The following ZIC2 variants were observed in gnomAD, a reference collection of about 807,000 sequenced individuals.
The protein encoded by ZIC2 is zinc finger protein ZIC 2.
A neutral mutation model predicts 29.5 loss-of-function variants in ZIC2; 7 were observed. That is an observed-to-expected ratio of 0.24 (90% CI 0.14 to 0.45). The LOEUF is 0.45. Among genes scored for constraint, ZIC2 ranks in the 20% least tolerant of loss-of-function variants. ZIC2 has a pLI of 1.00. For missense variants in ZIC2, 589 were observed against 781.2 expected (o/e 0.75, Z 2.93); for synonymous variants, 408 against 354.2 (o/e 1.15, Z -1.70).
chr13:99,986,620 G>A lies in ZIC2; in HGVS notation c.*938G>A, dbSNP rs1178118737. Reference sequence around the variant, plus strand: ...CTACAGAGGAAACAATATTTATAAAGAATGTTTCTTAACTATAAATATGTA... The same window carrying A: ...CTACAGAGGAAACAATATTTATAAAAAATGTTTCTTAACTATAAATATGTA... On this transcript the variant is annotated 3_prime_UTR_variant, in exon 3 of 3. Coordinates refer to ENST00000376335, the MANE Select transcript of ZIC2 (RefSeq NM_007129.5). The A allele has an allele frequency of 2.6e-5, 4 of 152,860 alleles. No homozygotes were observed. In the East Asian group the frequency reaches 7.7e-4, roughly 29 times the overall value. The allele number at this position is 152,860 out of a possible 1,614,324, so 9.5% of individuals were successfully genotyped here. A position where few individuals can be genotyped will look rare whatever the true frequency, so the allele number is the denominator to read the frequency against.
Position 99,983,231 on chromosome 13 carries a change from G to A in ZIC2, c.1075+92G>A. The A allele has an allele frequency of 2.6e-6, 4 of 1,512,826 alleles. No individual in the cohort carries two copies. In the East Asian group the frequency reaches 6.9e-5, roughly 26 times the overall value. The allele number at this position is 1,512,826 out of a possible 1,614,324, so 93.7% of individuals were successfully genotyped here. On this transcript the variant is annotated intron_variant, in intron 1 of 2. Transcript: ENST00000376335. This position sits in a 1 kb window ranked among gnomAD's most constrained non-coding sequence, Gnocchi z 4.7. The stretch of plus-strand genomic sequence containing the variant: ...TGGGTGCCGACGCTGGGCGCAGACC[G>A]CCAGCCGGGGACCTGGGATGGGAGG...
At position 99,982,446 on chromosome 13, in the gene ZIC2, G is replaced by C; in HGVS notation, c.382G>C (p.Asp128His). 7.0e-7 allele frequency: 1 copy of C among 1,437,166 alleles called. No individual in the cohort carries two copies. The allele number at this position is 1,437,166 out of a possible 1,614,324, so 89.0% of individuals were successfully genotyped here. ...CCTGTTCCGCAGCCGCGGCTTCGGG[G>C]ACTCGGCGCCGGGCGGCGGGCAGCA... ...DFLFRSRGFG[D>H]SAPGGGQHGL... The change falls in exon 1 of 3, where the codon GAC (aspartate) becomes CAC (histidine). Residue 128 changes from aspartate to histidine, a missense_variant. By Grantham distance (81) the Asp-to-His change is moderately conservative. Transcript: ENST00000376335.
Position 99,982,347 on chromosome 13 carries a change from G to A in ZIC2, c.283G>A (p.Ala95Thr), listed in dbSNP as rs1417371462. Residue 95 changes from alanine to threonine, a missense_variant, in exon 1 of 3, where the codon GCC (alanine) becomes ACC (threonine). Coordinates refer to ENST00000376335, the MANE Select transcript of ZIC2 (RefSeq NM_007129.5). ...CGGCTCCGCTGCGGCTGCCGCTGCG[G>A]CCGCAGCGCTCGGGCCCCACGCCGC... ...YPGSAAAAAA[A>T]AALGPHAAHV... 4 of 1,466,304 alleles carry A rather than the reference G, an allele frequency of 2.7e-6. No homozygotes were observed. The highest frequency in any genetic ancestry group is 3.0e-5 in the East Asian group (1 of 33,404). 90.8% of individuals were successfully genotyped at this position (1,466,304 alleles called of 1,614,324 possible). A position where few individuals can be genotyped will look rare whatever the true frequency, so the allele number is the denominator to read the frequency against.
intron 1 of ZIC2, 74 bp from the exon 2 acceptor site, chr13:99,984,872 C>G (rs1594291769): frequency 6.2e-7 from 1 of 1,603,496 alleles, no homozygotes; most frequent in Non-Finnish European, 8.5e-7. Flanking sequence ...CGCGGCCCAG[C>G]CCCCTCGCAG....
At chr13:99,984,480 A>G in intron 1 of ZIC2, 1 of 238,052 alleles carries the variant, frequency 4.2e-6, no homozygotes, top group Non-Finnish European at 8.4e-6. Context: ...GTCACTCTCC[A>G]CAGCCCGGCC....
Position 99,982,157 on chromosome 13 carries a change from T to TGCCGCC in ZIC2, c.95_100dup (p.Ala32_Ala33dup). ...ACTCCGCCGCGGCGGCGGCGGCGGC[T>TGCCGCC]GCCGCCGAGATGCAGGACCGTGAAC... On this transcript the variant is annotated inframe_insertion, in exon 1 of 3. Transcript: ENST00000376335. The TGCCGCC allele has an allele frequency of 7.4e-7, 1 of 1,346,316 alleles. No homozygotes were observed. Among genetic ancestry groups the TGCCGCC allele is most frequent in the Admixed American group, 3.6e-5 (1 of 27,804 alleles). 83.4% of individuals were successfully genotyped at this position (1,346,316 alleles called of 1,614,324 possible). A position where few individuals can be genotyped will look rare whatever the true frequency, so the allele number is the denominator to read the frequency against.
rs781066446 is a variant in ZIC2 at position 99,982,340 on chromosome 13, C to T, written c.276C>T (p.Ala92=). 1.4e-6 allele frequency: 2 copies of T among 1,465,108 alleles called. No homozygotes were observed. Among genetic ancestry groups the T allele is most frequent in the South Asian group, 1.3e-5 (1 of 74,776 alleles). 90.8% of individuals were successfully genotyped at this position (1,465,108 alleles called of 1,614,324 possible). ...CCTACCCCGGCTCCGCTGCGGCTGC[C>T]GCTGCGGCCGCAGCGCTCGGGCCCC... ...PGAYPGSAAA[A]AAAAALGPHA... is the part of the protein sequence containing the mutation. The change falls in exon 1 of 3, where the codon GCC becomes GCT. Residue 92 remains alanine, a synonymous_variant. Coordinates refer to ENST00000376335, the MANE Select transcript of ZIC2 (RefSeq NM_007129.5).
Position 99,983,090 on chromosome 13 carries a change from A to G in ZIC2, c.1026A>G (p.Lys342=), listed in dbSNP as rs1049466310. 10 of 1,613,188 alleles carry G rather than the reference A, an allele frequency of 6.2e-6. No individual in the cohort carries two copies. In the African/African-American group the frequency reaches 1.3e-4, roughly 22 times the overall value. The change falls in exon 1 of 3, where the codon AAA becomes AAG. Residue 342 remains lysine, a synonymous_variant. Transcript: ENST00000376335. This position sits in a 1 kb window ranked among gnomAD's most constrained non-coding sequence, Gnocchi z 4.7. ...CCTGCCCCTTCCCGGGCTGTGGCAAAGTCTTCGCGCGCTCCGAGAACCTCA... is the reference window on the plus strand; with the variant it reads ...CCTGCCCCTTCCCGGGCTGTGGCAAGGTCTTCGCGCGCTCCGAGAACCTCA... ...PFPCPFPGCG[K]VFARSENLKI...
In ZIC2 at chr13:99,982,610, G is replaced by T. The variant is rs200407312; in HGVS notation, c.546G>T (p.Gly182=). The change falls in exon 1 of 3, where the codon GGG becomes GGT. Residue 182 remains glycine, a synonymous_variant. Transcript: ENST00000376335. The stretch of plus-strand genomic sequence containing the variant: ...TGCTCAACGGGCAGATGCGCCTCGG[G>T]CTGCCCGGCGAGGTGTTCGGGCGCT... ...QNVLNGQMRL[G]LPGEVFGRSE... is the part of the protein sequence containing the mutation. The T allele has an allele frequency of 4.6e-4, 728 of 1,586,580 alleles. 4 individuals carry two copies. In the African/African-American group the frequency reaches 8.8e-3, roughly 19 times the overall value.
In ZIC2 at chr13:99,982,358, C is replaced by G. The variant is rs1190605222; in HGVS notation, c.294C>G (p.Leu98=). 6.8e-7 allele frequency: 1 copy of G among 1,472,282 alleles called. No homozygotes were observed. Among genetic ancestry groups the G allele is most frequent in the Non-Finnish European group, 9.0e-7 (1 of 1,113,838 alleles). 91.2% of individuals were successfully genotyped at this position (1,472,282 alleles called of 1,614,324 possible). Residue 98 remains leucine (L), a synonymous_variant, in exon 1 of 3, where the codon CTC becomes CTG. Coordinates refer to ENST00000376335, the MANE Select transcript of ZIC2 (RefSeq NM_007129.5). Reference sequence around the variant, plus strand: ...CGGCTGCCGCTGCGGCCGCAGCGCTCGGGCCCCACGCCGCGCACGTTGGCT... The same window carrying G: ...CGGCTGCCGCTGCGGCCGCAGCGCTGGGGCCCCACGCCGCGCACGTTGGCT... The part of the protein sequence containing the change: ...SAAAAAAAAA[L]GPHAAHVGSY...
At position 99,982,790 on chromosome 13, in the gene ZIC2, C is replaced by T; in HGVS notation, c.726C>T (p.Ala242=). 6.2e-7 allele frequency: 1 copy of T among 1,609,364 alleles called. No homozygotes were observed. Among genetic ancestry groups the T allele is most frequent in the Non-Finnish European group, 8.5e-7 (1 of 1,179,966 alleles). The change falls in exon 1 of 3, where the codon GCC becomes GCT. Residue 242 remains alanine, a synonymous_variant. Transcript: ENST00000376335. ...ACCACCACCACCACCACCCCGGTGC[C>T]TTTTTCCGCTATATGCGGCAGCAGT... ...HHHHHHHHPG[A]FFRYMRQQCI...
intron 1 of ZIC2, chr13:99,984,521 A>G (rs983294084): frequency 3.6e-6 from 1 of 277,406 alleles, no homozygotes; most frequent in Non-Finnish European, 7.1e-6. Flanking sequence ...TCCAAATGTA[A>G]TTGCTTACTG....
Position 99,982,169 on chromosome 13 carries a change from G to T in ZIC2, c.105G>T (p.Met35Ile). 7.0e-7 allele frequency: 1 copy of T among 1,437,718 alleles called. No individual in the cohort carries two copies. The highest frequency in any genetic ancestry group is 1.4e-5 in the South Asian group (1 of 69,278). The allele number at this position is 1,437,718 out of a possible 1,614,324, so 89.1% of individuals were successfully genotyped here. ...AAAAAAAAAEMQDRELSLAAA... is the reference protein window; with the variant it reads ...AAAAAAAAAEIQDRELSLAAA... Reference sequence around the variant, plus strand: ...CGGCGGCGGCGGCTGCCGCCGAGATGCAGGACCGTGAACTGAGCCTGGCGG... The same window carrying T: ...CGGCGGCGGCGGCTGCCGCCGAGATTCAGGACCGTGAACTGAGCCTGGCGG... The change falls in exon 1 of 3, where the codon ATG becomes ATT. Residue 35 changes from methionine (M) to isoleucine (I), a missense_variant. Physicochemically the swap from Met to Ile is conservative, Grantham distance 10 (BLOSUM62 1). Coordinates refer to ENST00000376335, the MANE Select transcript of ZIC2 (RefSeq NM_007129.5).
At position 99,985,469 on chromosome 13, in the gene ZIC2, GGCGGCT is replaced by G; in HGVS notation, c.1392_1397del (p.Ala469_Ala470del). 3.1e-6 allele frequency: 4 copies of G among 1,305,644 alleles called. No individual in the cohort carries two copies. Among genetic ancestry groups the G allele is most frequent in the African/African-American group, 1.6e-5 (1 of 64,226 alleles). The allele number at this position is 1,305,644 out of a possible 1,614,324, so 80.9% of individuals were successfully genotyped here. On this transcript the variant is annotated inframe_deletion, in exon 3 of 3. Transcript: ENST00000376335. The surrounding 1 kb of genome is among the most constrained non-coding windows in gnomAD (Gnocchi z 6.3). ...CCCCAGCGGCGGCGGCAGCGGCGGC[GGCGGCT>G]GCGGCGGCGGCGGCCGCGGTGTCCG...
rs370509521 is a variant in ZIC2 at position 99,985,137 on chromosome 13, C to A, written c.1239+28C>A. On this transcript the variant is annotated intron_variant, in intron 2 of 2. Transcript: ENST00000376335. This position sits in a 1 kb window ranked among gnomAD's most constrained non-coding sequence, Gnocchi z 6.3. ...ACCACCGCGGCGGCCGGGAGGAGGG[C>A]GAGGCAGGCCGAGGCGCCGGTGCAG... 17 of 1,613,326 alleles carry A rather than the reference C, an allele frequency of 1.1e-5. No homozygotes were observed. The highest frequency in any genetic ancestry group is 1.4e-5 in the Non-Finnish European group (16 of 1,179,664).
rs1171129420 is a variant in ZIC2 at position 99,985,505 on chromosome 13, G to C, written c.1422G>C (p.Val474=). ...CGGCGGCGGCCGCGGTGTCCGCGGT[G>C]CACCGGGGCGGAGGCTCGGGCAGTG... is the stretch of plus-strand genomic sequence containing the variant. ...AAAAAAAVSA[V]HRGGGSGSGG... is the part of the protein sequence containing the mutation. The change falls in exon 3 of 3, where the codon GTG becomes GTC. Residue 474 remains valine (V), a synonymous_variant. Coordinates refer to ENST00000376335, the MANE Select transcript of ZIC2 (RefSeq NM_007129.5). The surrounding 1 kb of genome is among the most constrained non-coding windows in gnomAD (Gnocchi z 6.3). 1 of 1,137,026 alleles carries C rather than the reference G, an allele frequency of 8.8e-7. No individual in the cohort carries two copies. Among genetic ancestry groups the C allele is most frequent in the East Asian group, 4.8e-5 (1 of 20,920 alleles). The allele number at this position is 1,137,026 out of a possible 1,614,324, so 70.4% of individuals were successfully genotyped here.
Position 99,982,548 on chromosome 13 carries a change from C to G in ZIC2, c.484C>G (p.Leu162Val). ...DAQGHLLFPG[L>V]PEQHGPHGSQ... Reference sequence around the variant, plus strand: ...GCAGGGCCACCTCCTCTTCCCGGGCCTGCCAGAGCAGCACGGGCCGCACGG... The same window carrying G: ...GCAGGGCCACCTCCTCTTCCCGGGCGTGCCAGAGCAGCACGGGCCGCACGG... The change falls in exon 1 of 3, where the codon CTG becomes GTG. Residue 162 changes from leucine to valine, a missense_variant. Coordinates refer to ENST00000376335, the MANE Select transcript of ZIC2 (RefSeq NM_007129.5). 1 of 1,547,202 alleles carries G rather than the reference C, an allele frequency of 6.5e-7. No homozygotes were observed.
Position 99,982,564 on chromosome 13 carries a change from G to A in ZIC2, c.500G>A (p.Gly167Glu). Residue 167 changes from glycine (G) to glutamate (E), a missense_variant, in exon 1 of 3, where the codon GGG becomes GAG. Gly to Glu is a moderately conservative substitution (Grantham distance 98). This residue lies in a region of ZIC2 where 358 missense variants were observed against 382.0 expected (regional missense o/e 0.94). Transcript: ENST00000376335. ...LLFPGLPEQH[G>E]PHGSQNVLNG... ...TTCCCGGGCCTGCCAGAGCAGCACGGGCCGCACGGCTCGCAGAATGTGCTC... is the reference window on the plus strand; with the variant it reads ...TTCCCGGGCCTGCCAGAGCAGCACGAGCCGCACGGCTCGCAGAATGTGCTC... The A allele has an allele frequency of 6.4e-7, 1 of 1,557,788 alleles. No homozygotes were observed. The highest frequency in any genetic ancestry group is 8.6e-7 in the Non-Finnish European group (1 of 1,156,848).
In ZIC2 at chr13:99,985,264, C is replaced by G; in HGVS notation, c.1240-59C>G. 6.2e-7 allele frequency: 1 copy of G among 1,601,848 alleles called. No individual in the cohort carries two copies. The highest frequency in any genetic ancestry group is 8.5e-7 in the Non-Finnish European group (1 of 1,178,834). On this transcript the variant is annotated intron_variant, in intron 2 of 2. Transcript: ENST00000376335. This position sits in a 1 kb window ranked among gnomAD's most constrained non-coding sequence, Gnocchi z 6.3. ...GCTCTCCCCCAGGGGCCCGGCCCCA[C>G]AGCAGCTGCACTCACACCCAGTCCC... is the stretch of plus-strand genomic sequence containing the variant.
Sources: allele counts gnomAD v4.1 joint callset, GRCh38; gene constraint gnomAD v4.1.1; regional missense constraint gnomAD v4.1.1; non-coding constraint Gnocchi (gnomAD v3.1); transcripts MANE v1.5; gene names NCBI Gene and HGNC (gene_info 2026-07-23, HGNC 2026-07-21).